RYR3: variants seen among roughly 807,000 people sequenced by gnomAD.
The protein encoded by RYR3 is ryanodine receptor 3.
In RYR3, 207 loss-of-function variants were observed where a neutral mutation model predicts 584.3. That is an observed-to-expected ratio of 0.35 (90% CI 0.32 to 0.40). The LOEUF is 0.40. RYR3 is among the 10% of genes least tolerant of loss of function. The pLI is 1.00. For missense variants in RYR3, 5,616 were observed against 6,089.2 expected (o/e 0.92, Z 2.59); for synonymous variants, 2,416 against 2,248.5 (o/e 1.07, Z -2.11).
At position 33,768,171 on chromosome 15, in the gene RYR3, T is replaced by C. The variant is rs372439200; in HGVS notation, c.8706-487T>C. Among the ~76,000 whole-genome samples the C allele has an allele frequency of 5.9e-5, 9 of 152,344 alleles. No homozygotes were observed. In the East Asian group the frequency reaches 1.3e-3, roughly 23 times the overall value. On this transcript the variant is annotated intron_variant, in intron 60 of 103. Coordinates refer to ENST00000634891, the MANE Select transcript of RYR3 (RefSeq NM_001036.6). ...TTTTGTTTAACACAATCTCACCTTG[T>C]ACCTGAACCATTAACACTTTTCCAA...
intron 4 of RYR3, among the ~76,000 whole-genome samples, chr15:33,532,898 C>G (rs944185610): frequency 6.6e-6 from 1 of 152,136 alleles, no homozygotes; most frequent in Non-Finnish European, 1.5e-5. Flanking sequence ...AGGAGGATCA[C>G]TTGAAGCCAG....
At chr15:33,321,797 G>A (rs1280858857) in intron 1 of RYR3, among the ~76,000 whole-genome samples, 3 of 152,196 alleles carry the variant, frequency 2.0e-5, no homozygotes, top group Non-Finnish European at 2.9e-5. Flanking sequence ...TGCTGAATCT[G>A]AGTGTTTCAC....
At chr15:33,789,129 A>G (rs920363203) in intron 67 of RYR3, among the ~76,000 whole-genome samples, 1 of 152,134 alleles carries the variant, frequency 6.6e-6, no homozygotes, top group African/African-American at 2.4e-5. Flanking sequence ...TGGGATGTTC[A>G]AGGGACCAAA....
intron 89 of RYR3, among the ~76,000 whole-genome samples, chr15:33,840,071 G>A (rs781437056): frequency 3.3e-5 from 5 of 152,194 alleles, no homozygotes; most frequent in African/African-American, 9.7e-5. Flanking sequence ...TTTGTGCTGC[G>A]TGTTAGAACA....
intron 27 of RYR3, among the ~76,000 whole-genome samples, chr15:33,640,235 G>A (rs2061722971): frequency 6.6e-6 from 1 of 152,224 alleles, no homozygotes; most frequent in South Asian, 2.1e-4. Context: ...CTGGTACCCA[G>A]GGTCCCCTGT....
At chr15:33,321,363 C>T (rs1354910595) in intron 1 of RYR3, among the ~76,000 whole-genome samples, 1 of 152,210 alleles carries the variant, frequency 6.6e-6, no homozygotes, top group Admixed American at 6.5e-5. Flanking sequence ...CCTGAGAGGT[C>T]CTGCTGGGGC....
intron 1 of RYR3, among the ~76,000 whole-genome samples, chr15:33,423,983 C>T (rs569951818): frequency 6.6e-6 from 1 of 152,314 alleles, no homozygotes; most frequent in Admixed American, 6.5e-5. Flanking sequence ...TGTCAATATG[C>T]CTTGCTAGTA....
At chr15:33,337,128 G>A (rs1205329999) in intron 1 of RYR3, among the ~76,000 whole-genome samples, 2 of 146,568 alleles carry the variant, frequency 1.4e-5, no homozygotes, top group African/African-American at 5.0e-5. Context: ...GAAGGCATGA[G>A]TAATCCATAT....
chr15:33,485,667 T>C (rs930005347), intron 2 of RYR3, among the ~76,000 whole-genome samples: 5 of 152,196 alleles, frequency 3.3e-5, no homozygotes, highest in African/African-American at 1.2e-4. Flanking sequence ...TTCCAAATAG[T>C]GTGAGAGCAT....
intron 60 of RYR3, among the ~76,000 whole-genome samples, chr15:33,765,007 G>A (rs1033730263): frequency 8.1e-6 from 1 of 122,872 alleles, no homozygotes; most frequent in African/African-American, 3.3e-5. Flanking sequence ...CTCCAGCCTG[G>A]GCAACAGAGC....
chr15:33,698,311 G>T (rs2066008451), intron 40 of RYR3, among the ~76,000 whole-genome samples: 1 of 152,158 alleles, frequency 6.6e-6, no homozygotes, highest in South Asian at 2.1e-4. Context: ...TTAGGAGCCT[G>T]GTGTGTTTTG....
intron 1 of RYR3, among the ~76,000 whole-genome samples, chr15:33,343,046 G>A (rs1972023897): frequency 6.6e-6 from 1 of 152,172 alleles, no homozygotes; most frequent in African/African-American, 2.4e-5. Context: ...ATTTTTGATA[G>A]TGGAAATGAG....
chr15:33,371,212 G>A lies in RYR3; in HGVS notation c.51+60116G>A, dbSNP rs142755882. Among the ~76,000 whole-genome samples the A allele has an allele frequency of 1.5e-3, 236 of 152,306 alleles. 2 individuals are homozygous for A. Among genetic ancestry groups the A allele is most frequent in the African/African-American group, 5.4e-3 (224 of 41,574 alleles). On this transcript the variant is annotated intron_variant, in intron 1 of 103. Transcript: ENST00000634891. ...GGAGGTAAAGTGGCTGAGAAACAGA[G>A]GGTTGCTCAGCTGGAAACTGGCATC... is the stretch of plus-strand genomic sequence containing the variant.
chr15:33,644,712 G>A (rs963430765), intron 28 of RYR3, among the ~76,000 whole-genome samples, 193 bp downstream of exon 28: 4 of 152,224 alleles, frequency 2.6e-5, no homozygotes, highest in Non-Finnish European at 4.4e-5. Context: ...CATCTTACGA[G>A]AGGCATCAGC....
intron 64 of RYR3, among the ~76,000 whole-genome samples, chr15:33,779,023 T>G (rs1190211686): frequency 6.6e-6 from 1 of 152,248 alleles, no homozygotes; most frequent in East Asian, 1.9e-4. Flanking sequence ...GTAACTTGAA[T>G]GAAGACTGGG....
chr15:33,798,819 T>C (rs2075766443), intron 67 of RYR3, among the ~76,000 whole-genome samples: 1 of 152,206 alleles, frequency 6.6e-6, no homozygotes, highest in Non-Finnish European at 1.5e-5. Flanking sequence ...TCCCTGAGAC[T>C]GGAACCAAGG....
At chr15:33,518,885 A>C (rs1259051218) in intron 3 of RYR3, among the ~76,000 whole-genome samples, 1 of 152,236 alleles carries the variant, frequency 6.6e-6, no homozygotes, top group East Asian at 1.9e-4. Flanking sequence ...AGAGAAATGT[A>C]GAATGCAATT....
rs2060294532 is a variant in RYR3, at chr15:33,613,420, C to G, written c.2357+45C>G. 1.3e-6 allele frequency: 2 copies of G among 1,532,752 alleles called. 1 individual carries two copies. The highest frequency in any genetic ancestry group is 2.5e-5 in the South Asian group (2 of 78,972). 94.9% of individuals were successfully genotyped at this position (1,532,752 alleles called of 1,614,324 possible). A position where few individuals can be genotyped will look rare whatever the true frequency, so the allele number is the denominator to read the frequency against. ...TCATGGAGAGTAGCAGTTACCCCACCTCCCCGCCACCACTGTGAGCTGCGA... is the reference window on the plus strand; with the variant it reads ...TCATGGAGAGTAGCAGTTACCCCACGTCCCCGCCACCACTGTGAGCTGCGA... On this transcript the variant is annotated intron_variant, in intron 19 of 103. Transcript: ENST00000634891.
intron 3 of RYR3, among the ~76,000 whole-genome samples, chr15:33,527,348 A>C (rs1403310596): frequency 6.6e-6 from 1 of 152,188 alleles, no homozygotes; most frequent in Admixed American, 6.5e-5. Flanking sequence ...TGGGAGGCTG[A>C]GGTAGGTGGA....
Sources: gnomAD v4.1 joint callset for allele counts (sites outside exome capture counted in the v4.1 genomes callset) on GRCh38, gnomAD v4.1.1 for gene constraint, MANE v1.5 for transcripts, NCBI Gene and HGNC (gene_info 2026-07-23, HGNC 2026-07-21) for gene names.